The following CDKAL1 variants were observed in gnomAD, a reference collection of about 807,000 sequenced individuals.
CDKAL1 encodes the protein CDKAL1 threonylcarbamoyladenosine tRNA methylthiotransferase.
In CDKAL1, 32 loss-of-function variants were observed where a neutral mutation model predicts 68.2. The observed-to-expected ratio is 0.47, with a 90% confidence interval of 0.35 to 0.63. The LOEUF (loss-of-function observed/expected upper bound fraction) is 0.63. Ranked by LOEUF, CDKAL1 falls within the 30% of genes least tolerant of loss-of-function variation. The pLI is 0.00. For missense variants in CDKAL1, 606 were observed against 696.7 expected, an observed-to-expected ratio of 0.87 and a Z score of 1.47; for synonymous variants, 234 against 244.3, an observed-to-expected ratio of 0.96 and a Z score of 0.39.
chr6:20,676,214 T>C (rs974228820), intron 5 of CDKAL1, among the ~76,000 whole-genome samples: 1 of 152,156 alleles, frequency 6.6e-6, no homozygotes, highest in Admixed American at 6.5e-5. Flanking sequence ...ATATAATTTT[T>C]AATAATTTTA....
intron 5 of CDKAL1, among the ~76,000 whole-genome samples, chr6:20,735,007 T>C (rs1773124435): frequency 6.6e-6 from 1 of 151,898 alleles, no homozygotes; most frequent in African/African-American, 2.4e-5. Context: ...TGGCTGGGAT[T>C]ACAGGTGCAT....
At chr6:20,826,574 G>T (rs1248950896) in intron 8 of CDKAL1, among the ~76,000 whole-genome samples, 1 of 152,084 alleles carries the variant, frequency 6.6e-6, no homozygotes, top group African/African-American at 2.4e-5. Context: ...GCCAGACTCA[G>T]TGTCTTTTGT....
intron 8 of CDKAL1, among the ~76,000 whole-genome samples, chr6:20,845,188 A>G (rs903287293): frequency 6.6e-6 from 1 of 152,186 alleles, no homozygotes; most frequent in Non-Finnish European, 1.5e-5. Flanking sequence ...GCATTTGTGT[A>G]CTATGGTCTT....
At chr6:21,139,379 A>T (rs1241838530) in intron 13 of CDKAL1, among the ~76,000 whole-genome samples, 1 of 152,226 alleles carries the variant, frequency 6.6e-6, no homozygotes, top group Non-Finnish European at 1.5e-5. Flanking sequence ...AGAGGATGTT[A>T]CTTACAGCAG....
chr6:21,204,533 G>A (rs1399467821), intron 15 of CDKAL1, among the ~76,000 whole-genome samples: 2 of 152,038 alleles, frequency 1.3e-5, no homozygotes, highest in Non-Finnish European at 2.9e-5. Flanking sequence ...CTACTGCTAG[G>A]ACCCTAAGTC....
intron 4 of CDKAL1, among the ~76,000 whole-genome samples, chr6:20,646,048 ATTTTTTTTT>A (rs1171622769): frequency 5.7e-5 from 5 of 87,364 alleles, no homozygotes; most frequent in Non-Finnish European, 8.2e-5. Context: ...TCACGGTTAA[ATTTTTTTTT>A]TTTTTTTTTT....
intron 4 of CDKAL1, among the ~76,000 whole-genome samples, chr6:20,625,519 C>G (rs1767389635): frequency 6.6e-6 from 1 of 152,028 alleles, no homozygotes; most frequent in Non-Finnish European, 1.5e-5. Context: ...TGACAAATCC[C>G]TGAAAATCAG....
intron 13 of CDKAL1, among the ~76,000 whole-genome samples, chr6:21,178,005 G>C (rs960768232): frequency 7.9e-5 from 12 of 152,086 alleles, no homozygotes; most frequent in African/African-American, 2.2e-4. Flanking sequence ...CCAAACAAAA[G>C]TTAGAATCTC....
At chr6:21,139,296 A>T (rs1309320914) in intron 13 of CDKAL1, among the ~76,000 whole-genome samples, 1 of 152,172 alleles carries the variant, frequency 6.6e-6, no homozygotes, top group Non-Finnish European at 1.5e-5. Flanking sequence ...TCTGGCAGAA[A>T]CCCATTTCAC....
chr6:20,870,092 G>T (rs559817730), intron 9 of CDKAL1, among the ~76,000 whole-genome samples: 31 of 152,266 alleles, frequency 2.0e-4, no homozygotes, highest in Non-Finnish European at 3.1e-4. Context: ...TTCCATGAAT[G>T]TTCCAAAAAT....
At chr6:20,674,692 C>G (rs1241646280) in intron 5 of CDKAL1, among the ~76,000 whole-genome samples, 2 of 152,178 alleles carry the variant, frequency 1.3e-5, no homozygotes, top group African/African-American at 4.8e-5. Context: ...TTCCTCCTGT[C>G]TAACTCTGCA....
chr6:20,805,736 G>A (rs757264318), intron 8 of CDKAL1, among the ~76,000 whole-genome samples: 1 of 152,108 alleles, frequency 6.6e-6, no homozygotes, highest in Non-Finnish European at 1.5e-5. Context: ...ATAAAAAAAC[G>A]AAAATGAGAC....
At chr6:20,564,231 AC>A (rs1764373818) in intron 4 of CDKAL1, among the ~76,000 whole-genome samples, 1 of 152,200 alleles carries the variant, frequency 6.6e-6, no homozygotes, top group African/African-American at 2.4e-5. Context: ...ACATAGCAAG[AC>A]CCCATCTCCA....
chr6:20,858,138 C>T lies in CDKAL1; in HGVS notation c.742+11960C>T, dbSNP rs369468344. The stretch of plus-strand genomic sequence containing the variant: ...CCTCCCAAAGTGCTGGGATTACAGG[C>T]GTGAGCTACTGTGCCCGTCCTCTTC... On this transcript the variant is annotated intron_variant, in intron 9 of 15. Transcript: ENST00000274695. Among the ~76,000 whole-genome samples the T allele has an allele frequency of 2.8e-4, 42 of 152,310 alleles. 1 individual carries two copies. The highest frequency in any genetic ancestry group is 8.7e-4 in the African/African-American group (36 of 41,568).
intron 10 of CDKAL1, among the ~76,000 whole-genome samples, chr6:20,969,436 A>G (rs1322753961): frequency 1.3e-5 from 2 of 152,166 alleles, no homozygotes; most frequent in Non-Finnish European, 2.9e-5. Context: ...GAGGAGGAGG[A>G]AGAAGAGGAG....
intron 11 of CDKAL1, among the ~76,000 whole-genome samples, chr6:21,012,241 A>C (rs1283856553): frequency 2.0e-5 from 3 of 152,196 alleles, no homozygotes; most frequent in African/African-American, 7.2e-5. Context: ...AGGCTAAGAA[A>C]ATTTAGTGTT....
At chr6:21,069,643 A>C (rs1417616989) in intron 12 of CDKAL1, among the ~76,000 whole-genome samples, 1 of 152,032 alleles carries the variant, frequency 6.6e-6, no homozygotes, top group Non-Finnish European at 1.5e-5. Flanking sequence ...TCAGAGTAGC[A>C]TTGGCCTCAT....
At chr6:21,052,223 T>C (rs1770578578) in intron 11 of CDKAL1, among the ~76,000 whole-genome samples, 1 of 152,242 alleles carries the variant, frequency 6.6e-6, no homozygotes, top group South Asian at 2.1e-4. Context: ...AATGATTCCC[T>C]ATTGTTATAT....
intron 9 of CDKAL1, among the ~76,000 whole-genome samples, chr6:20,904,864 G>A (rs1213526631): frequency 6.6e-6 from 1 of 151,774 alleles, no homozygotes; most frequent in Non-Finnish European, 1.5e-5. Context: ...AGATGTGAGA[G>A]GACCTTAAGT....
Sources: gnomAD v4.1 joint callset for allele counts (sites outside exome capture counted in the v4.1 genomes callset) on GRCh38, gnomAD v4.1.1 for gene constraint, MANE v1.5 for transcripts, NCBI Gene and HGNC (gene_info 2026-07-23, HGNC 2026-07-21) for gene names.